Variants in PIEZO2 observed in about 807,000 individuals in gnomAD.
The protein encoded by PIEZO2 is piezo-type mechanosensitive ion channel component 2.
Under a neutral mutation model 337.3 loss-of-function variants are expected in PIEZO2, and 172 were observed. The observed-to-expected ratio is 0.51, with a 90% CI of 0.45 to 0.58. The LOEUF is 0.58. Among genes scored for constraint, PIEZO2 ranks in the 20% least tolerant of loss-of-function variants. The probability of loss-of-function intolerance (pLI) is 0.00; values close to 1 mark genes in which losing one functional copy is unlikely to be tolerated. For synonymous variants in PIEZO2, 1,251 were observed against 1,228.5 expected (o/e 1.02, Z -0.38); for missense variants, 3,028 against 3,391.3 (o/e 0.89, Z 2.66).
intron 38 of PIEZO2, among the ~76,000 whole-genome samples, chr18:10,715,260 T>C (rs2035968133): frequency 6.6e-6 from 1 of 152,238 alleles, no homozygotes; most frequent in Non-Finnish European, 1.5e-5. Flanking sequence ...AAAAAAGTTT[T>C]AGATCAAACT....
chr18:11,108,795 G>GAC (rs1349513580), intron 1 of PIEZO2, among the ~76,000 whole-genome samples: 6 of 152,012 alleles, frequency 3.9e-5, no homozygotes, highest in Non-Finnish European at 8.8e-5. Context: ...CTGGTTTGTA[G>GAC]CAGAGCTCAG....
intron 3 of PIEZO2, among the ~76,000 whole-genome samples, chr18:10,920,052 C>T (rs1035456519): frequency 5.9e-5 from 9 of 152,134 alleles, no homozygotes; most frequent in African/African-American, 2.2e-4. Context: ...AAGTATATTT[C>T]ATTCTTTTCC....
intron 4 of PIEZO2, among the ~76,000 whole-genome samples, chr18:10,876,750 T>G (rs1304897291): frequency 2.6e-5 from 4 of 152,154 alleles, no homozygotes; most frequent in Non-Finnish European, 4.4e-5. Flanking sequence ...AAGCTCAGGC[T>G]TTTTACTTTC....
intron 18 of PIEZO2, among the ~76,000 whole-genome samples, chr18:10,776,871 A>G (rs2038807818): frequency 1.3e-5 from 2 of 152,182 alleles, no homozygotes; most frequent in Admixed American, 6.5e-5. Flanking sequence ...AAATTTAAAA[A>G]CCCACTCTAG....
At chr18:10,740,974 G>T in intron 33 of PIEZO2, 57 bp downstream of exon 33, 1 of 1,488,890 alleles carries the variant, frequency 6.7e-7, no homozygotes, top group Non-Finnish European at 9.1e-7. Flanking sequence ...CCTGAATTCT[G>T]GTCAAGGATA....
At chr18:11,023,513 T>C (rs2036395361) in intron 2 of PIEZO2, among the ~76,000 whole-genome samples, 1 of 152,166 alleles carries the variant, frequency 6.6e-6, no homozygotes, top group Admixed American at 6.5e-5. Context: ...TGCCGATTGG[T>C]GTATTTACAA....
intron 40 of PIEZO2, among the ~76,000 whole-genome samples, chr18:10,706,752 A>G (rs555371076): frequency 1.3e-5 from 2 of 152,124 alleles, no homozygotes; most frequent in African/African-American, 4.8e-5. Context: ...TCTACCTCAG[A>G]CACATCCAGC....
intron 3 of PIEZO2, among the ~76,000 whole-genome samples, chr18:10,917,356 G>A (rs1392875513): frequency 1.3e-5 from 2 of 152,050 alleles, no homozygotes; most frequent in African/African-American, 4.8e-5. Context: ...ACACAAAAGG[G>A]TTTTTAACAG....
At position 11,080,326 on chromosome 18, in the gene PIEZO2, A is replaced by T. The variant is rs1473379637; in HGVS notation, c.65-14104T>A. Among the ~76,000 whole-genome samples, 1 of 152,208 alleles carries T rather than the reference A, an allele frequency of 6.6e-6. No homozygotes were observed. The highest frequency in any genetic ancestry group is 1.5e-5 in the Non-Finnish European group (1 of 68,044). On this transcript the variant is annotated intron_variant, in intron 1 of 55. Transcript: ENST00000674853. The surrounding 1 kb of genome is among the most constrained non-coding windows in gnomAD (Gnocchi z 5.4). Reference sequence around the variant, plus strand: ...GTCTCTTCCACCTCAGAATACCCATAGCATTTTGGTTTTAACACTCTTACA... The same window carrying T: ...GTCTCTTCCACCTCAGAATACCCATTGCATTTTGGTTTTAACACTCTTACA...
At chr18:11,073,969 C>G (rs1480855147) in intron 1 of PIEZO2, among the ~76,000 whole-genome samples, 5 of 151,868 alleles carry the variant, frequency 3.3e-5, no homozygotes, top group Non-Finnish European at 7.4e-5. Context: ...GCCTCAGCCT[C>G]CTGAGTAGCT....
intron 16 of PIEZO2, among the ~76,000 whole-genome samples, chr18:10,785,620 A>T (rs1263401317): frequency 2.0e-5 from 3 of 152,096 alleles, no homozygotes; most frequent in Non-Finnish European, 4.4e-5. Flanking sequence ...ACCCTGCGCA[A>T]ACTGAGAAGT....
At chr18:10,686,243 T>C (rs2034540800) in intron 49 of PIEZO2, among the ~76,000 whole-genome samples, 1 of 152,216 alleles carries the variant, frequency 6.6e-6, no homozygotes, top group Non-Finnish European at 1.5e-5. Flanking sequence ...TCACTAGCAA[T>C]CTAGCGAATA....
rs2040723398 is a variant in PIEZO2 at position 11,143,629 on chromosome 18, A to ACT, written c.64+4895_64+4896insAG. Among the ~76,000 whole-genome samples the ACT allele has an allele frequency of 5.7e-5, 5 of 87,120 alleles. No homozygotes were observed. Among genetic ancestry groups the ACT allele is most frequent in the South Asian group, 5.9e-4 (2 of 3,418 alleles). 57.2% of individuals were successfully genotyped at this position (87,120 alleles called of 152,430 possible). A position where few individuals can be genotyped will look rare whatever the true frequency, so the allele number is the denominator to read the frequency against. On this transcript the variant is annotated intron_variant, in intron 1 of 55. Transcript: ENST00000674853. The surrounding 1 kb of genome is among the most constrained non-coding windows in gnomAD (Gnocchi z 4.9). ...CACACACACACACACACACACACAC[A>ACT]CACACACACACTCTCTCTCTCTCTC...
chr18:11,076,128 T>C (rs1351122367), intron 1 of PIEZO2, among the ~76,000 whole-genome samples: 2 of 152,218 alleles, frequency 1.3e-5, no homozygotes, highest in Non-Finnish European at 2.9e-5. Context: ...TCCCATTTAG[T>C]CATGTTTTAA....
intron 2 of PIEZO2, among the ~76,000 whole-genome samples, chr18:10,987,209 C>G: frequency 6.6e-6 from 1 of 151,898 alleles, no homozygotes; most frequent in South Asian, 2.1e-4. Flanking sequence ...AAAAAATTAT[C>G]TTAACATATG....
At chr18:10,725,537 C>T in intron 36 of PIEZO2, 5 of 1,375,894 alleles carry the variant, frequency 3.6e-6, no homozygotes, top group Non-Finnish European at 2.0e-6. Flanking sequence ...AAGGAGGGGC[C>T]CCACTAACTC....
At chr18:11,006,029 C>A (rs547424241) in intron 2 of PIEZO2, among the ~76,000 whole-genome samples, 60 of 151,932 alleles carry the variant, frequency 3.9e-4, no homozygotes, top group African/African-American at 1.2e-3. Context: ...GAAGACAATT[C>A]CATTTCTCTC....
rs1232894545 is a variant in PIEZO2, at chr18:10,775,763, C to G, written c.2535-1725G>C. Among the ~76,000 whole-genome samples, 1 of 152,120 alleles carries G rather than the reference C, an allele frequency of 6.6e-6. No individual in the cohort carries two copies. The highest frequency in any genetic ancestry group is 2.4e-5 in the African/African-American group (1 of 41,418). ...GGAAGTAGGTCCACAAGGCTGATTT[C>G]TAGAAACTTGTAATGGGACAAGATG... is the stretch of plus-strand genomic sequence containing the variant. On this transcript the variant is annotated intron_variant, in intron 18 of 55. Transcript: ENST00000674853. This position sits in a 1 kb window ranked among gnomAD's most constrained non-coding sequence, Gnocchi z 4.3.
chr18:11,064,661 A>G (rs955552832), intron 2 of PIEZO2, among the ~76,000 whole-genome samples: 1 of 152,166 alleles, frequency 6.6e-6, no homozygotes, highest in Non-Finnish European at 1.5e-5. Context: ...TTAGTTTGGG[A>G]AAAAGAAAAA....
Sources: gnomAD v4.1 joint callset for allele counts (sites outside exome capture counted in the v4.1 genomes callset) on GRCh38, gnomAD v4.1.1 for gene constraint, Gnocchi (gnomAD v3.1) non-coding constraint, MANE v1.5 for transcripts, NCBI Gene and HGNC (gene_info 2026-07-23, HGNC 2026-07-21) for gene names.